SHANK2: variants seen among roughly 807,000 people sequenced by gnomAD.
The protein encoded by SHANK2 is SH3 and multiple ankyrin repeat domains 2, also known as SH3 and multiple ankyrin repeat domains protein 2.
A neutral mutation model predicts 133.7 loss-of-function variants in SHANK2; 43 were observed. The ratio of observed to expected loss-of-function variants is 0.32; its 90% confidence interval spans 0.25 to 0.41. SHANK2 has a LOEUF of 0.41. Ranked by LOEUF, SHANK2 falls within the 10% of genes least tolerant of loss-of-function variation. The pLI is 1.00. For missense variants in SHANK2, 1,994 were observed against 2,235.8 expected, an observed-to-expected ratio of 0.89 and a Z score of 2.18; for synonymous variants, 1,017 against 952.8, an observed-to-expected ratio of 1.07 and a Z score of -1.24.
At chr11:70,773,064 AG>A (rs1378456463) in intron 14 of SHANK2, among the ~76,000 whole-genome samples, 1 of 152,128 alleles carries the variant, frequency 6.6e-6, no homozygotes. Context: ...GCCCATCCCC[AG>A]GGCTGTGGGC....
intron 3 of SHANK2, among the ~76,000 whole-genome samples, chr11:71,122,740 C>A (rs1353619996): frequency 2.0e-5 from 3 of 152,152 alleles, no homozygotes; most frequent in African/African-American, 7.2e-5. Flanking sequence ...GTCCCATCTG[C>A]AAACCCAGCA....
rs958532758 is a variant in SHANK2 at position 70,739,996 on chromosome 11, G to A, written c.1778-41233C>T. 2.6e-5 allele frequency among the ~76,000 whole-genome samples: 4 copies of A among 152,232 alleles called. No homozygotes were observed. The highest frequency in any genetic ancestry group is 1.3e-4 in the Admixed American group (2 of 15,284). ...ATCAGGAGACCTTGGACAGTCACAC[G>A]ACCCAGACCAGGGGCCCGGCAGGGG... On this transcript the variant is annotated intron_variant, in intron 14 of 25. Transcript: ENST00000601538. This position sits in a 1 kb window ranked among gnomAD's most constrained non-coding sequence, Gnocchi z 4.3.
At chr11:70,534,067 G>C (rs782019259) in intron 17 of SHANK2, among the ~76,000 whole-genome samples, 1 of 152,330 alleles carries the variant, frequency 6.6e-6, no homozygotes, top group South Asian at 2.1e-4. Flanking sequence ...GTAAAGGCCA[G>C]TATCTGCTAG....
At chr11:71,081,696 CCT>C (rs1265689149) in intron 8 of SHANK2, among the ~76,000 whole-genome samples, 9 of 152,148 alleles carry the variant, frequency 5.9e-5, no homozygotes, top group African/African-American at 2.2e-4. Flanking sequence ...AGAGAGGATG[CCT>C]CTCTTCCTTC....
chr11:70,929,719 C>A (rs782381146), intron 10 of SHANK2, among the ~76,000 whole-genome samples: 6 of 152,216 alleles, frequency 3.9e-5, no homozygotes, highest in Non-Finnish European at 7.3e-5. Context: ...AACTCAAGAT[C>A]TCAAACTTCA....
intron 17 of SHANK2, among the ~76,000 whole-genome samples, chr11:70,525,455 G>A (rs1404037656): frequency 6.6e-6 from 1 of 152,062 alleles, no homozygotes; most frequent in Non-Finnish European, 1.5e-5. Flanking sequence ...CCCAGGGATG[G>A]GCAGGGGATG....
chr11:70,856,731 A>G (rs1223897716), intron 11 of SHANK2, among the ~76,000 whole-genome samples: 1 of 152,192 alleles, frequency 6.6e-6, no homozygotes, highest in African/African-American at 2.4e-5. Context: ...TGAGGGAGGC[A>G]TCTGATTCCT....
intron 14 of SHANK2, among the ~76,000 whole-genome samples, chr11:70,722,397 C>T (rs1301778762): frequency 2.6e-5 from 4 of 152,200 alleles, no homozygotes; most frequent in Non-Finnish European, 5.9e-5. Flanking sequence ...CTGCAGTGAC[C>T]AATCTCTGGG....
intron 8 of SHANK2, among the ~76,000 whole-genome samples, chr11:71,087,323 G>C (rs1242078819): frequency 1.3e-5 from 2 of 152,154 alleles, no homozygotes; most frequent in East Asian, 1.9e-4. Context: ...TTGGGAGAGA[G>C]GGCAGGAAAA....
Position 70,485,959 on chromosome 11 carries a change from G to T in SHANK2, c.4334C>A (p.Thr1445Asn). ...SDLVKQKKSDTPQSPSLNSSQ... is the reference protein window; with the variant it reads ...SDLVKQKKSDNPQSPSLNSSQ... ...GGAGTTCAACGAAGGGGACTGAGGG[G>T]TGTCGCTTTTCTTCTGCTTCACTAA... Residue 1445 changes from threonine (T) to asparagine (N), a missense_variant, in exon 25 of 26, where the codon ACC becomes AAC. This residue lies in a region of SHANK2 where 797 missense variants were observed against 907.4 expected (regional missense o/e 0.88). Coordinates refer to ENST00000601538, the MANE Select transcript of SHANK2 (RefSeq NM_012309.5). This position sits in a 1 kb window ranked among gnomAD's most constrained non-coding sequence, Gnocchi z 5.8. The T allele has an allele frequency of 1.2e-6, 2 of 1,614,144 alleles. No individual in the cohort carries two copies. Among genetic ancestry groups the T allele is most frequent in the Non-Finnish European group, 1.7e-6 (2 of 1,180,020 alleles).
In SHANK2 at chr11:70,630,706, C is replaced by G. The variant is rs950331510; in HGVS notation, c.2061+29122G>C. Among the ~76,000 whole-genome samples, 25 of 152,148 alleles carry G rather than the reference C, an allele frequency of 1.6e-4. 1 individual carries two copies. The highest frequency in any genetic ancestry group is 5.1e-4 in the African/African-American group (21 of 41,434). ...CCACAAGCCAAAGAACACCTGGACTCCCCAGAAGCTGAAAGAGACAAGGAA... is the reference window on the plus strand; with the variant it reads ...CCACAAGCCAAAGAACACCTGGACTGCCCAGAAGCTGAAAGAGACAAGGAA... On this transcript the variant is annotated intron_variant, in intron 17 of 25. Coordinates refer to ENST00000601538, the MANE Select transcript of SHANK2 (RefSeq NM_012309.5).
chr11:70,630,275 GCC>G lies in SHANK2; in HGVS notation c.2061+29551_2061+29552del, dbSNP rs1228648069. 4.6e-5 allele frequency among the ~76,000 whole-genome samples: 7 copies of G among 152,344 alleles called. No individual in the cohort carries two copies. In the East Asian group the frequency reaches 1.4e-3, roughly 29 times the overall value. ...GCAGCAGCGATGCCCCAGGTCCCAG[GCC>G]CCAGAAGGCTGGTCAGCCCCCAGGA... On this transcript the variant is annotated intron_variant, in intron 17 of 25. Transcript: ENST00000601538.
chr11:71,232,902 TC>T (rs1432679868), intron 1 of SHANK2, among the ~76,000 whole-genome samples: 1 of 152,160 alleles, frequency 6.6e-6, no homozygotes, highest in African/African-American at 2.4e-5. Context: ...AAATTTTAAG[TC>T]TTTTTAAAAG....
At chr11:70,563,004 T>C (rs1369649948) in intron 17 of SHANK2, among the ~76,000 whole-genome samples, 3 of 152,176 alleles carry the variant, frequency 2.0e-5, no homozygotes, top group Non-Finnish European at 2.9e-5. Flanking sequence ...CCTGAACAGC[T>C]GGGATTACAG....
At chr11:71,159,178 G>A (rs1473968892) in intron 2 of SHANK2, among the ~76,000 whole-genome samples, 1 of 152,244 alleles carries the variant, frequency 6.6e-6, no homozygotes, top group Non-Finnish European at 1.5e-5. Flanking sequence ...AAGCCAAGGT[G>A]TTGTCAGAGC....
chr11:70,898,303 C>CACACACACACAT (rs1949969978), intron 10 of SHANK2, among the ~76,000 whole-genome samples: 1 of 149,558 alleles, frequency 6.7e-6, no homozygotes, highest in Non-Finnish European at 1.5e-5. Context: ...CACACACACA[C>CACACACACACAT]ACACACACAT....
chr11:71,186,827 A>G (rs974101921), intron 2 of SHANK2, among the ~76,000 whole-genome samples: 4 of 152,170 alleles, frequency 2.6e-5, no homozygotes, highest in African/African-American at 9.7e-5. Context: ...GGACTTAGGG[A>G]AGGTGATCAA....
intron 10 of SHANK2, among the ~76,000 whole-genome samples, chr11:70,934,892 T>A (rs1950550274): frequency 6.6e-6 from 1 of 152,122 alleles, no homozygotes; most frequent in East Asian, 1.9e-4. Context: ...GCCTGCATTT[T>A]GCCGGGGACC....
chr11:70,887,569 C>G (rs1949766897), intron 11 of SHANK2, among the ~76,000 whole-genome samples: 1 of 152,092 alleles, frequency 6.6e-6, no homozygotes, highest in African/African-American at 2.4e-5. Context: ...GTCTTCTCCC[C>G]TAAAGCCACA....
Sources: gnomAD v4.1 joint callset for allele counts (sites outside exome capture counted in the v4.1 genomes callset) on GRCh38, gnomAD v4.1.1 for gene constraint, gnomAD v4.1.1 regional missense constraint, Gnocchi (gnomAD v3.1) non-coding constraint, MANE v1.5 for transcripts, NCBI Gene and HGNC (gene_info 2026-07-23, HGNC 2026-07-21) for gene names.